The following CYYR1 variants were observed in gnomAD, a reference collection of about 807,000 sequenced individuals.
The protein encoded by CYYR1 is cysteine and tyrosine rich 1, also known as cysteine and tyrosine-rich protein 1.
CYYR1 carries 14 observed loss-of-function variants against 15.2 expected under a neutral mutation model. The ratio of observed to expected loss-of-function variants is 0.92; its 90% CI spans 0.61 to 1.44. CYYR1 has a LOEUF of 1.44. Among genes scored for constraint, CYYR1 ranks in the 40% most tolerant of loss-of-function variants. The pLI is 0.00. For synonymous variants in CYYR1, 80 were observed against 77.4 expected, an observed-to-expected ratio of 1.03 and a Z score of -0.18; for missense variants, 228 against 209.5, an observed-to-expected ratio of 1.09 and a Z score of -0.54.
At chr21:26,494,869 T>C (rs775923217) in intron 2 of CYYR1, among the ~76,000 whole-genome samples, 3 of 152,206 alleles carry the variant, frequency 2.0e-5, no homozygotes, top group Non-Finnish European at 2.9e-5. Context: ...CTTACTCTTG[T>C]AAGAGTAACG....
At chr21:26,477,308 A>G (rs934096753) in intron 3 of CYYR1, among the ~76,000 whole-genome samples, 2 of 152,190 alleles carry the variant, frequency 1.3e-5, no homozygotes, top group Admixed American at 1.3e-4. Context: ...TAAAATCTTA[A>G]TTAGCGCCTT....
chr21:26,513,907 A>C (rs1420544571), intron 2 of CYYR1, among the ~76,000 whole-genome samples: 3 of 108,790 alleles, frequency 2.8e-5, no homozygotes, highest in Non-Finnish European at 3.4e-5. Flanking sequence ...CACACCGGGG[A>C]CTGTTGTGGG....
At chr21:26,538,277 A>C (rs1269307484) in intron 2 of CYYR1, among the ~76,000 whole-genome samples, 2 of 152,198 alleles carry the variant, frequency 1.3e-5, no homozygotes, top group African/African-American at 4.8e-5. Flanking sequence ...ATAGTGGATA[A>C]AATTCCACTT....
At chr21:26,561,830 A>G (rs1224861520) in intron 2 of CYYR1, among the ~76,000 whole-genome samples, 2 of 152,196 alleles carry the variant, frequency 1.3e-5, no homozygotes, top group Non-Finnish European at 2.9e-5. Flanking sequence ...ATTCTCTTAC[A>G]AAAGAGAATA....
chr21:26,525,443 C>G (rs1391312514), intron 2 of CYYR1, among the ~76,000 whole-genome samples: 2 of 152,176 alleles, frequency 1.3e-5, no homozygotes, highest in East Asian at 3.9e-4. Flanking sequence ...ATGAGGGCCT[C>G]CCGCCTTGAG....
chr21:26,552,234 G>A (rs1979445604), intron 2 of CYYR1: 1 of 152,156 alleles, frequency 6.6e-6, no homozygotes, highest in African/African-American at 2.4e-5. Context: ...GACTCACTTT[G>A]TTGCCATATG....
chr21:26,513,751 G>A (rs913158297), intron 2 of CYYR1, among the ~76,000 whole-genome samples: 1 of 152,028 alleles, frequency 6.6e-6, no homozygotes, highest in Non-Finnish European at 1.5e-5. Flanking sequence ...GGCTCTAAAA[G>A]GGCGACTGGG....
At chr21:26,501,197 G>A (rs2065477017) in intron 2 of CYYR1, among the ~76,000 whole-genome samples, 1 of 152,172 alleles carries the variant, frequency 6.6e-6, no homozygotes, top group Non-Finnish European at 1.5e-5. Context: ...AATTAGCTGG[G>A]CGTGGTGGCA....
chr21:26,478,152 A>C, intron 3 of CYYR1: 4 of 1,548,976 alleles, frequency 2.6e-6, no homozygotes, highest in African/African-American at 1.4e-5. Flanking sequence ...AGAGGAAATG[A>C]ACAATAAACA....
At chr21:26,514,711 A>G (rs1409228165) in intron 2 of CYYR1, among the ~76,000 whole-genome samples, 1 of 152,202 alleles carries the variant, frequency 6.6e-6, no homozygotes, top group African/African-American at 2.4e-5. Flanking sequence ...ACTTATTTTG[A>G]GCACTAACCA....
At position 26,466,418 on chromosome 21, in the gene CYYR1, C is replaced by A. The variant is rs181470918; in HGVS notation, c.*2083G>T. ...ATTGATGCTATTATGACACTTAATA[C>A]AAATAGTAAAAATACTCATCTATTG... On this transcript the variant is annotated 3_prime_UTR_variant, in exon 4 of 4. Transcript: ENST00000652641. The A allele has an allele frequency of 3.3e-5, 5 of 152,154 alleles. No individual in the cohort carries two copies. Among genetic ancestry groups the A allele is most frequent in the Non-Finnish European group, 7.4e-5 (5 of 68,000 alleles). The allele number at this position is 152,154 out of a possible 1,614,324, so 9.4% of individuals were successfully genotyped here. A position where few individuals can be genotyped will look rare whatever the true frequency, so the allele number is the denominator to read the frequency against.
At chr21:26,495,780 T>A (rs938365803) in intron 2 of CYYR1, among the ~76,000 whole-genome samples, 1 of 152,226 alleles carries the variant, frequency 6.6e-6, no homozygotes, top group East Asian at 1.9e-4. Context: ...CATAATCAAC[T>A]TCACGATTAA....
intron 2 of CYYR1, among the ~76,000 whole-genome samples, chr21:26,481,675 T>C (rs1375703413): frequency 6.6e-6 from 1 of 152,100 alleles, no homozygotes; most frequent in African/African-American, 2.4e-5. Context: ...TTGTGAACAG[T>C]GCTGCAATGA....
chr21:26,505,999 A>G (rs922367186), intron 2 of CYYR1, among the ~76,000 whole-genome samples: 7 of 152,204 alleles, frequency 4.6e-5, no homozygotes, highest in African/African-American at 1.7e-4. Context: ...AATATGCTGC[A>G]TGATGAATTT....
chr21:26,468,464 A>T lies in CYYR1; in HGVS notation c.*37T>A. Reference sequence around the variant, plus strand: ...GTAGAGGCATTTTATTCCAGGCAAGATCGCCCATTGGCACATGTTCTGTTC... The same window carrying T: ...GTAGAGGCATTTTATTCCAGGCAAGTTCGCCCATTGGCACATGTTCTGTTC... On this transcript the variant is annotated 3_prime_UTR_variant, in exon 4 of 4. Transcript: ENST00000652641. 4.6e-6 allele frequency: 6 copies of T among 1,295,880 alleles called. No homozygotes were observed. Among genetic ancestry groups the T allele is most frequent in the Non-Finnish European group, 6.7e-6 (6 of 889,222 alleles). 80.3% of individuals were successfully genotyped at this position (1,295,880 alleles called of 1,614,324 possible).
chr21:26,478,431 G>A (rs1195324831), intron 3 of CYYR1, among the ~76,000 whole-genome samples: 1 of 152,106 alleles, frequency 6.6e-6, no homozygotes, highest in Non-Finnish European at 1.5e-5. Flanking sequence ...GGAAAAAAAT[G>A]TGACTGGAGA....
At position 26,564,329 on chromosome 21, in the gene CYYR1, A is replaced by T. The variant is rs964076145; in HGVS notation, c.176+1937T>A. Among the ~76,000 whole-genome samples, 8 of 152,304 alleles carry T rather than the reference A, an allele frequency of 5.3e-5. No individual in the cohort carries two copies. In the East Asian group the frequency reaches 1.5e-3, roughly 29 times the overall value. ...ACTGCCACCTTTCTTTTTGCTAAGA[A>T]TTGTTTAGCATGATATTTACTCAGA... On this transcript the variant is annotated intron_variant, in intron 2 of 3. Transcript: ENST00000652641.
At chr21:26,480,827 T>C (rs900792458) in intron 2 of CYYR1, among the ~76,000 whole-genome samples, 11 of 152,166 alleles carry the variant, frequency 7.2e-5, no homozygotes, top group African/African-American at 2.4e-4. Context: ...ATGTGTTTAA[T>C]GAAAACAACT....
At chr21:26,530,770 T>C (rs559636371) in intron 2 of CYYR1, among the ~76,000 whole-genome samples, 26 of 152,320 alleles carry the variant, frequency 1.7e-4, no homozygotes, top group African/African-American at 5.3e-4. Context: ...GCTTCATCCA[T>C]GTGCCTGCAA....
Sources: allele counts gnomAD v4.1 joint callset (sites outside exome capture counted in the v4.1 genomes callset), GRCh38; gene constraint gnomAD v4.1.1; transcripts MANE v1.5; gene names NCBI Gene and HGNC (gene_info 2026-07-23, HGNC 2026-07-21).